NHS: variants seen among roughly 807,000 people sequenced by gnomAD.
The protein encoded by NHS is NHS actin remodeling regulator.
NHS carries 5 observed loss-of-function variants against 72.5 expected under a neutral mutation model. The ratio of observed to expected loss-of-function variants is 0.07; its 90% CI spans 0.04 to 0.14. The LOEUF (loss-of-function observed/expected upper bound fraction) is 0.14, where lower values mean the gene tolerates loss of function less well. Among genes scored for constraint, NHS ranks in the 10% least tolerant of loss-of-function variants. NHS has a pLI of 1.00. For synonymous variants in NHS, 464 were observed against 547.7 expected (o/e 0.85, Z 2.13); for missense variants, 1,072 against 1,355.7 (o/e 0.79, Z 3.29).
At chrX:17,625,293 T>C (rs1485300910) in intron 1 of NHS, among the ~76,000 whole-genome samples, 2 of 111,315 alleles carry the variant, frequency 1.8e-5, no homozygotes, top group East Asian at 5.7e-4. Flanking sequence ...CATGAAAGAA[T>C]GAGTGAAAAT....
At chrX:17,553,766 G>A (rs902056166) in intron 1 of NHS, among the ~76,000 whole-genome samples, 3 of 111,383 alleles carry the variant, frequency 2.7e-5, no homozygotes, top group Non-Finnish European at 5.6e-5. Context: ...TTTCGGGGGC[G>A]GGGTAGGGGG....
At chrX:17,655,713 C>G (rs1293613447) in intron 1 of NHS, among the ~76,000 whole-genome samples, 2 of 112,803 alleles carry the variant, frequency 1.8e-5, no homozygotes, top group African/African-American at 6.4e-5. Context: ...ACAAGGCTCT[C>G]GATCCCAGCG....
intron 1 of NHS, chrX:17,426,095 G>A (rs1166508232): frequency 8.9e-6 from 1 of 112,218 alleles, no homozygotes; most frequent in East Asian, 2.8e-4. Flanking sequence ...GGAGGATCCA[G>A]CTTCTATCAG....
intron 1 of NHS, among the ~76,000 whole-genome samples, chrX:17,394,161 G>C (rs925317743): frequency 9.0e-6 from 1 of 111,325 alleles, no homozygotes; most frequent in Non-Finnish European, 1.9e-5. Context: ...CAGACCGAAG[G>C]CTGCCTTGTG....
intron 1 of NHS, among the ~76,000 whole-genome samples, chrX:17,431,751 T>C (rs915903501): frequency 8.9e-6 from 1 of 112,053 alleles, no homozygotes; most frequent in Non-Finnish European, 1.9e-5. Context: ...GGGGATTTAA[T>C]TGTAAAATGA....
intron 1 of NHS, among the ~76,000 whole-genome samples, chrX:17,561,940 G>T (rs1331618523): frequency 9.1e-6 from 1 of 110,179 alleles, no homozygotes; most frequent in African/African-American, 3.3e-5. Context: ...TGTTGGTCAT[G>T]AATAGACTCC....
At chrX:17,431,885 C>T (rs2064696117) in intron 1 of NHS, among the ~76,000 whole-genome samples, 1 of 111,984 alleles carries the variant, frequency 8.9e-6, no homozygotes. Flanking sequence ...AATTTTCTCC[C>T]ATTTTGTTGA....
At position 17,528,935 on chromosome X, in the gene NHS, G is replaced by A. The variant is rs1043504888; in HGVS notation, c.565+152613G>A. 7.2e-5 allele frequency among the ~76,000 whole-genome samples: 8 copies of A among 111,797 alleles called. 1 individual carries two copies. In the South Asian group the frequency reaches 2.3e-3, roughly 32 times the overall value. On this transcript the variant is annotated intron_variant, in intron 1 of 8. Transcript: ENST00000676302. ...GATTGACAGCTGGGTGATGCCAAGG[G>A]AATGGTGATGTGTTGCCCTGTGTAT...
At position 17,577,107 on chromosome X, in the gene NHS, C is replaced by T. The variant is rs182010404; in HGVS notation, c.566-110635C>T. Among the ~76,000 whole-genome samples the T allele has an allele frequency of 7.5e-4, 84 of 111,989 alleles. 2 individuals are homozygous for T. The East Asian group carries it at 0.013, about 18-fold the overall frequency. Reference sequence around the variant, plus strand: ...AAATGGAACTGACATAAATATCCTTCCCAGCTGTTAAGTGTAGCCATTGTT... The same window carrying T: ...AAATGGAACTGACATAAATATCCTTTCCAGCTGTTAAGTGTAGCCATTGTT... On this transcript the variant is annotated intron_variant, in intron 1 of 8. Coordinates refer to ENST00000676302, the MANE Select transcript of NHS (RefSeq NM_001291867.2).
intron 1 of NHS, among the ~76,000 whole-genome samples, chrX:17,505,755 T>G (rs2065054618): frequency 9.0e-6 from 1 of 110,654 alleles, no homozygotes; most frequent in East Asian, 2.8e-4. Flanking sequence ...ATTGACTGAT[T>G]TTTCTAAATC....
intron 7 of NHS, 100 bp downstream of exon 7, chrX:17,728,428 G>C (rs1184629061): frequency 1.1e-6 from 1 of 900,191 alleles, no homozygotes; most frequent in Non-Finnish European, 1.6e-6. Flanking sequence ...CCTGGGTGTT[G>C]GTTTCCCTCC....
intron 1 of NHS, among the ~76,000 whole-genome samples, chrX:17,472,951 A>G (rs1294963277): frequency 1.8e-5 from 2 of 112,615 alleles, no homozygotes; most frequent in Non-Finnish European, 3.7e-5. Flanking sequence ...TGTCAAAGGA[A>G]TAGAGACCAT....
In NHS at chrX:17,727,651, C is replaced by A; in HGVS notation, c.3545C>A (p.Pro1182Gln). The A allele has an allele frequency of 8.3e-7, 1 of 1,211,232 alleles. No homozygotes were observed. Among genetic ancestry groups the A allele is most frequent in the East Asian group, 3.0e-5 (1 of 33,829 alleles). ...TAALSPSKIR[P>Q]HTANKSVSRQ... The stretch of plus-strand genomic sequence containing the variant: ...GCCTTGTCTCCAAGTAAGATTAGGC[C>A]GCATACAGCAAATAAATCAGTATCT... The change falls in exon 7 of 9, where the codon CCG (proline) becomes CAG (glutamine). Residue 1182 changes from proline (P) to glutamine (Q), a missense_variant. Physicochemically the swap from Pro to Gln is moderately conservative, Grantham distance 76. Coordinates refer to ENST00000676302, the MANE Select transcript of NHS (RefSeq NM_001291867.2).
In NHS at chrX:17,611,546, TC is replaced by T. The variant is rs2065711360; in HGVS notation, c.566-76195del. ...GGAAAGAAACATTTTGAAAAGTTTT[TC>T]TTTTTTTTTTTAATAGAAACTTGTC... On this transcript the variant is annotated intron_variant, in intron 1 of 8. Coordinates refer to ENST00000676302, the MANE Select transcript of NHS (RefSeq NM_001291867.2). Among the ~76,000 whole-genome samples the T allele has an allele frequency of 1.6e-4, 18 of 111,897 alleles. No individual in the cohort carries two copies. The South Asian group carries it at 6.7e-3, about 42-fold the overall frequency.
chrX:17,695,887 C>A (rs1050546068), intron 3 of NHS, among the ~76,000 whole-genome samples: 25 of 96,441 alleles, frequency 2.6e-4, no homozygotes, highest in African/African-American at 9.6e-4. Context: ...CCTTACTTAT[C>A]AAGGGTGGCA....
intron 1 of NHS, among the ~76,000 whole-genome samples, chrX:17,554,419 G>T (rs1407540259): frequency 8.9e-6 from 1 of 112,118 alleles, no homozygotes; most frequent in Non-Finnish European, 1.9e-5. Context: ...GGGGGACACG[G>T]GTCATGAGGA....
intron 1 of NHS, among the ~76,000 whole-genome samples, chrX:17,549,994 T>C (rs1396127681): frequency 7.2e-5 from 8 of 111,813 alleles, no homozygotes; most frequent in Non-Finnish European, 1.5e-4. Flanking sequence ...CAAGTTCAAA[T>C]GCAGGGCATT....
intron 1 of NHS, among the ~76,000 whole-genome samples, chrX:17,603,136 G>A (rs1219455841): frequency 9.0e-6 from 1 of 111,617 alleles, no homozygotes; most frequent in East Asian, 2.8e-4. Flanking sequence ...GTGAGCTGCT[G>A]CAACCAGCCT....
Position 17,556,310 on chromosome X carries a change from G to A in NHS, c.566-131432G>A, listed in dbSNP as rs1275486788. Among the ~76,000 whole-genome samples, 4 of 112,902 alleles carry A rather than the reference G, an allele frequency of 3.5e-5. No homozygotes were observed. The Admixed American group carries it at 3.7e-4, about 11-fold the overall frequency. On this transcript the variant is annotated intron_variant, in intron 1 of 8. Coordinates refer to ENST00000676302, the MANE Select transcript of NHS (RefSeq NM_001291867.2). ...TTTTCTCTTGGAATTTCTGGCCAAA[G>A]CCAGAAGAAACAGGAGTCTGGGGAA...
Sources: allele counts gnomAD v4.1 joint callset (sites outside exome capture counted in the v4.1 genomes callset), GRCh38; gene constraint gnomAD v4.1.1; transcripts MANE v1.5; gene names NCBI Gene and HGNC (gene_info 2026-07-23, HGNC 2026-07-21).